The following OSBP2 variants were observed in gnomAD, a reference collection of about 807,000 sequenced individuals.
The protein encoded by OSBP2 is oxysterol-binding protein 2.
Under a neutral mutation model 96.0 loss-of-function variants are expected in OSBP2, and 66 were observed. That is an observed-to-expected ratio of 0.69 (90% confidence interval 0.56 to 0.84). OSBP2 has a LOEUF of 0.84. OSBP2 is among the 40% of genes least tolerant of loss of function. The probability of loss-of-function intolerance (pLI) is 0.00; values close to 1 mark genes in which losing one functional copy is unlikely to be tolerated. For missense variants in OSBP2, 1,038 were observed against 1,222.7 expected, an observed-to-expected ratio of 0.85 and a Z score of 2.25; for synonymous variants, 525 against 520.9, an observed-to-expected ratio of 1.01 and a Z score of -0.11.
intron 2 of OSBP2, among the ~76,000 whole-genome samples, chr22:30,853,811 C>G (rs571553458): frequency 2.0e-5 from 3 of 151,342 alleles, no homozygotes; most frequent in African/African-American, 7.3e-5. Context: ...CTCTGTCCCC[C>G]AGGCTGGAGT....
chr22:30,889,248 AGCACTGTAAGGGCCAGAAG>A lies in OSBP2; in HGVS notation c.1476+18_1476+36del, dbSNP rs1366756876. 6.2e-7 allele frequency: 1 copy of A among 1,609,264 alleles called. No individual in the cohort carries two copies. The highest frequency in any genetic ancestry group is 1.3e-5 in the African/African-American group (1 of 74,578). The stretch of plus-strand genomic sequence containing the variant: ...TCAGCAGACAATGTAAGTGAGGGGG[AGCACTGTAAGGGCCAGAAG>A]GCAGCTTCTGGCCTAGGGGGTGGGA... On this transcript the variant is annotated intron_variant, in intron 6 of 13. Coordinates refer to ENST00000332585, the MANE Select transcript of OSBP2 (RefSeq NM_030758.4).
chr22:30,775,595 G>C (rs1280635031), intron 2 of OSBP2, among the ~76,000 whole-genome samples: 2 of 152,060 alleles, frequency 1.3e-5, no homozygotes, highest in Admixed American at 1.3e-4. Flanking sequence ...CTCCAGCTTG[G>C]GTGAAAGAGT....
intron 2 of OSBP2, among the ~76,000 whole-genome samples, chr22:30,815,763 A>G (rs1462190203): frequency 6.6e-6 from 1 of 152,038 alleles, no homozygotes; most frequent in African/African-American, 2.4e-5. Flanking sequence ...CTTAGCCCAA[A>G]AGGCCATCCT....
Position 30,870,332 on chromosome 22 carries a change from T to G in OSBP2, c.854-97T>G. ...ATCTCGGGGACTGATGTTTTTTGAA[T>G]GGCGCTATCCACCCTGCCCTGCTCG... On this transcript the variant is annotated intron_variant, in intron 2 of 13. Transcript: ENST00000332585. The surrounding 1 kb of genome is among the most constrained non-coding windows in gnomAD (Gnocchi z 4.1). 1 of 1,272,638 alleles carries G rather than the reference T, an allele frequency of 7.9e-7. No individual in the cohort carries two copies. Among genetic ancestry groups the G allele is most frequent in the Middle Eastern group, 2.0e-4 (1 of 4,884 alleles). 78.8% of individuals were successfully genotyped at this position (1,272,638 alleles called of 1,614,324 possible).
chr22:30,846,666 T>C (rs1248554409), intron 2 of OSBP2, among the ~76,000 whole-genome samples: 1 of 152,122 alleles, frequency 6.6e-6, no homozygotes, highest in Non-Finnish European at 1.5e-5. Flanking sequence ...CATTTTTTCA[T>C]GTGTTTATTG....
At chr22:30,763,870 C>A (rs191618269) in intron 2 of OSBP2, among the ~76,000 whole-genome samples, 1 of 152,260 alleles carries the variant, frequency 6.6e-6, no homozygotes, top group East Asian at 1.9e-4. Context: ...TCTCTGCTCC[C>A]AACTCCCTGG....
intron 1 of OSBP2, 46 bp from the exon 2 acceptor site, chr22:30,741,115 A>G: frequency 3.4e-6 from 5 of 1,461,982 alleles, no homozygotes; most frequent in Non-Finnish European, 4.8e-6. Context: ...GTCTGGAGCC[A>G]TTGAGATTAG....
At chr22:30,711,067 C>T (rs1023205236) in intron 1 of OSBP2, among the ~76,000 whole-genome samples, 26 of 152,118 alleles carry the variant, frequency 1.7e-4, no homozygotes, top group Admixed American at 1.5e-3. Flanking sequence ...TGTCCCAGGC[C>T]TGGAGTCAGC....
chr22:30,824,062 C>A (rs2038343020), intron 2 of OSBP2, among the ~76,000 whole-genome samples: 1 of 152,158 alleles, frequency 6.6e-6, no homozygotes, highest in South Asian at 2.1e-4. Context: ...AGCATTGGAC[C>A]CGATGTCTGC....
At chr22:30,827,061 C>T (rs1467108327) in intron 2 of OSBP2, among the ~76,000 whole-genome samples, 2 of 152,056 alleles carry the variant, frequency 1.3e-5, no homozygotes, top group Non-Finnish European at 2.9e-5. Flanking sequence ...GGAGGTGACA[C>T]CCAGCTGTGT....
intron 2 of OSBP2, among the ~76,000 whole-genome samples, chr22:30,825,449 A>G (rs2038379220): frequency 6.6e-6 from 1 of 152,130 alleles, no homozygotes; most frequent in Non-Finnish European, 1.5e-5. Context: ...ATGAGATACT[A>G]TGCATCTGTG....
At chr22:30,718,325 T>G (rs1216227557) in intron 1 of OSBP2, among the ~76,000 whole-genome samples, 4 of 152,230 alleles carry the variant, frequency 2.6e-5, no homozygotes, top group African/African-American at 9.6e-5. Flanking sequence ...TGTCACAGCC[T>G]CTAACCTCCC....
chr22:30,697,348 G>A (rs1292097876), intron 1 of OSBP2, among the ~76,000 whole-genome samples: 6 of 152,080 alleles, frequency 3.9e-5, no homozygotes, highest in African/African-American at 1.2e-4. Context: ...GTGCAATCTC[G>A]GTTCACTGCA....
rs1225989383 is a variant in OSBP2 at position 30,890,409 on chromosome 22, A to T, written c.1624-319A>T. On this transcript the variant is annotated intron_variant, in intron 7 of 13. Transcript: ENST00000332585. The surrounding 1 kb of genome is among the most constrained non-coding windows in gnomAD (Gnocchi z 4.4). ...CAGTCACTGCTTCCTAAGATTCTGC[A>T]CTCAAGATACAGCAGTGGGCCAGGC... 1.3e-5 allele frequency among the ~76,000 whole-genome samples: 2 copies of T among 152,146 alleles called. No homozygotes were observed. The highest frequency in any genetic ancestry group is 4.8e-5 in the African/African-American group (2 of 41,432).
intron 3 of OSBP2, among the ~76,000 whole-genome samples, chr22:30,880,064 G>A (rs1171968511): frequency 6.6e-6 from 1 of 151,916 alleles, no homozygotes; most frequent in Non-Finnish European, 1.5e-5. Flanking sequence ...AAAAAAATAG[G>A]TGAGGCCAGC....
rs372056223 is a variant in OSBP2, at chr22:30,849,496, T to A, written c.854-20933T>A. Among the ~76,000 whole-genome samples the A allele has an allele frequency of 2.6e-5, 4 of 152,338 alleles. No individual in the cohort carries two copies. The East Asian group carries it at 7.7e-4, about 29-fold the overall frequency. The stretch of plus-strand genomic sequence containing the variant: ...TAATTTATATTTCTCTAGTTACTAA[T>A]GATATTGAGCATCTCTTCATGTTCT... On this transcript the variant is annotated intron_variant, in intron 2 of 13. Coordinates refer to ENST00000332585, the MANE Select transcript of OSBP2 (RefSeq NM_030758.4).
At chr22:30,851,478 G>C (rs912364381) in intron 2 of OSBP2, among the ~76,000 whole-genome samples, 28 of 152,140 alleles carry the variant, frequency 1.8e-4, no homozygotes, top group African/African-American at 6.5e-4. Context: ...AGTTCATGTG[G>C]CTTTTCTTTA....
At chr22:30,733,716 A>G (rs1487085569) in intron 1 of OSBP2, among the ~76,000 whole-genome samples, 9 of 152,096 alleles carry the variant, frequency 5.9e-5, no homozygotes, top group Non-Finnish European at 1.3e-4. Flanking sequence ...TCCATGGCCT[A>G]AAAAGCAATG....
chr22:30,747,071 A>C (rs553344524), intron 2 of OSBP2, among the ~76,000 whole-genome samples: 1 of 152,334 alleles, frequency 6.6e-6, no homozygotes, highest in Non-Finnish European at 1.5e-5. Context: ...AAAAAGCCAC[A>C]TGTGGCCCTC....
Sources: gnomAD v4.1 joint callset for allele counts (sites outside exome capture counted in the v4.1 genomes callset) on GRCh38, gnomAD v4.1.1 for gene constraint, Gnocchi (gnomAD v3.1) non-coding constraint, MANE v1.5 for transcripts, NCBI Gene and HGNC (gene_info 2026-07-23, HGNC 2026-07-21) for gene names.